Variants in NEB observed in about 807,000 individuals in gnomAD.
The protein encoded by NEB is nemaline myopathy type 2.
NEB carries 512 observed loss-of-function variants against 952.2 expected under a neutral mutation model. The ratio of observed to expected loss-of-function variants is 0.54; its 90% CI spans 0.50 to 0.58. The LOEUF is 0.58. Among genes scored for constraint, NEB ranks in the 20% least tolerant of loss-of-function variants. The pLI is 0.00. For missense variants in NEB, 8,428 were observed against 9,231.1 expected (o/e 0.91, Z 3.56); for synonymous variants, 2,900 against 3,149.8 (o/e 0.92, Z 2.66).
At chr2:151,623,158 C>T (rs1574094426) in intron 71 of NEB, among the ~76,000 whole-genome samples, 1 of 152,210 alleles carries the variant, frequency 6.6e-6, no homozygotes, top group South Asian at 2.1e-4. Flanking sequence ...TATCCAAATA[C>T]AGCCTTTAGA....
intron 143 of NEB, 149 bp downstream of exon 143, chr2:151,533,293 G>A (rs1576541631): frequency 3.4e-6 from 2 of 595,428 alleles, no homozygotes; most frequent in East Asian, 5.6e-5. Flanking sequence ...CACATTCAGA[G>A]ATCATTTACA....
rs1337704462 is a variant in NEB at position 151,561,082 on chromosome 2, CTGA to C, written c.19125_19127del (p.His6375del). ...GAACTGTTGTGTATTTGTCCTTAAT[CTGA>C]TGATAATTTTCTTTATATTTTACCT... is the stretch of plus-strand genomic sequence containing the variant. On this transcript the variant is annotated inframe_deletion, in exon 123 of 182. Transcript: ENST00000397345. 2 of 1,598,260 alleles carry C rather than the reference CTGA, an allele frequency of 1.3e-6. No individual in the cohort carries two copies. The highest frequency in any genetic ancestry group is 1.7e-6 in the Non-Finnish European group (2 of 1,171,064).
chr2:151,708,328 C>T (rs374039131), intron 12 of NEB, among the ~76,000 whole-genome samples: 2 of 152,304 alleles, frequency 1.3e-5, no homozygotes, highest in South Asian at 4.1e-4. Flanking sequence ...CAATTTCCCT[C>T]TTTTCATTCA....
At chr2:151,725,328 G>T in intron 6 of NEB, 125 bp downstream of exon 6, 2 of 766,594 alleles carry the variant, frequency 2.6e-6, no homozygotes, top group Non-Finnish European at 4.3e-6. Context: ...TGCTTTTCTA[G>T]ATTTGTGAAC....
chr2:151,497,005 C>G lies in NEB; in HGVS notation c.24329G>C (p.Gly8110Ala). 1 of 1,575,446 alleles carries G rather than the reference C, an allele frequency of 6.3e-7. No individual in the cohort carries two copies. Among genetic ancestry groups the G allele is most frequent in the South Asian group, 1.2e-5 (1 of 86,114 alleles). ...SVLYKENMGK[G>A]TPLPVTPEME... ...CTCAGGAGTGACAGGTAGAGGGGTTCCCTTGCCCATGTTTTCTTTGTATAA... is the reference window on the plus strand; with the variant it reads ...CTCAGGAGTGACAGGTAGAGGGGTTGCCTTGCCCATGTTTTCTTTGTATAA... Residue 8110 changes from glycine (G) to alanine (A), a missense_variant, in exon 172 of 182, where the codon GGA becomes GCA. Transcript: ENST00000397345.
chr2:151,524,747 A>C, intron 151 of NEB, 131 bp from the exon 152 acceptor site: 1 of 725,162 alleles, frequency 1.4e-6, no homozygotes, highest in Non-Finnish European at 2.2e-6. Flanking sequence ...GCTCACTGCA[A>C]CTTCTGTCTC....
In NEB at chr2:151,658,087, G is replaced by C. The variant is rs762201273; in HGVS notation, c.6079C>G (p.Leu2027Val). The change falls in exon 48 of 182, where the codon CTC becomes GTC. Residue 2027 changes from leucine to valine, a missense_variant. Coordinates refer to ENST00000397345, the MANE Select transcript of NEB (RefSeq NM_001164508.2). ...KANAINMSDK[L>V]YKLSLEESKK... Reference sequence around the variant, plus strand: ...GACTCTTCCAAGGAAAGTTTGTAGAGTTTCTGTAAAGAGAGGCAAAGGGAA... The same window carrying C: ...GACTCTTCCAAGGAAAGTTTGTAGACTTTCTGTAAAGAGAGGCAAAGGGAA... 1 of 1,587,570 alleles carries C rather than the reference G, an allele frequency of 6.3e-7. No individual in the cohort carries two copies. The highest frequency in any genetic ancestry group is 1.1e-5 in the South Asian group (1 of 88,594).
chr2:151,560,291 G>A (rs887090377), intron 124 of NEB, among the ~76,000 whole-genome samples: 9 of 152,094 alleles, frequency 5.9e-5, no homozygotes, highest in Admixed American at 5.9e-4. Context: ...GGTGTATTAT[G>A]TCTTCAGCCC....
intron 20 of NEB, among the ~76,000 whole-genome samples, chr2:151,693,664 C>T (rs549010673): frequency 2.4e-4 from 37 of 152,158 alleles, no homozygotes; most frequent in Non-Finnish European, 5.0e-4. Flanking sequence ...TACAATCTAT[C>T]GTTGTTGATT....
chr2:151,488,297 A>C (rs16830094), intron 181 of NEB, among the ~76,000 whole-genome samples: 4,528 of 152,174 alleles, frequency 0.03, 122 homozygotes, highest in East Asian at 0.14. Context: ...AATTGGCCAG[A>C]CTTTTATACT....
At chr2:151,521,980 T>C (rs563158387) in intron 153 of NEB, among the ~76,000 whole-genome samples, 1 of 152,290 alleles carries the variant, frequency 6.6e-6, no homozygotes, top group Admixed American at 6.5e-5. Context: ...GTAGTAAAAC[T>C]ACATACACTT....
At chr2:151,674,429 C>T (rs888454390) in intron 36 of NEB, 48 bp downstream of exon 36, 3 of 1,420,672 alleles carry the variant, frequency 2.1e-6, no homozygotes, top group Admixed American at 1.7e-5. Context: ...CATTTGATTA[C>T]TTTTCAAAAA....
chr2:151,718,528 C>T (rs950854586), intron 9 of NEB, among the ~76,000 whole-genome samples: 5 of 152,168 alleles, frequency 3.3e-5, no homozygotes, highest in Admixed American at 1.3e-4. Flanking sequence ...CTCTCAGCTT[C>T]CTCTTTCATA....
At chr2:151,501,343 G>C (rs1257310308) in intron 168 of NEB, 48 bp downstream of exon 168, 1 of 1,264,064 alleles carries the variant, frequency 7.9e-7, no homozygotes. Context: ...CTGTTTTGTA[G>C]AAATTATTAT....
Position 151,553,948 on chromosome 2 carries a change from G to A in NEB, c.19506C>T (p.Ala6502=), listed in dbSNP as rs1011926091. The change falls in exon 126 of 182, where the codon GCC becomes GCT. Residue 6502 remains alanine, a synonymous_variant. Transcript: ENST00000397345. The stretch of plus-strand genomic sequence containing the variant: ...CACTGACTTTCTTCTGGGAATCCTT[G>A]GCAGTAACCATCTCTACCATGTCGG... ...IVPDMVEMVT[A]KDSQKKVSEI... 1.2e-6 allele frequency: 2 copies of A among 1,613,834 alleles called. No individual in the cohort carries two copies. Among genetic ancestry groups the A allele is most frequent in the Non-Finnish European group, 1.7e-6 (2 of 1,179,792 alleles).
At chr2:151,570,054 G>C in intron 109 of NEB, 27 bp downstream of exon 109, 1 of 1,579,104 alleles carries the variant, frequency 6.3e-7, no homozygotes, top group Non-Finnish European at 8.6e-7. Context: ...TGAGAAAAGA[G>C]TTCAACCCCA....
chr2:151,500,680 T>TTGAC (rs958853270), intron 168 of NEB, among the ~76,000 whole-genome samples: 3 of 148,072 alleles, frequency 2.0e-5, no homozygotes, highest in African/African-American at 7.4e-5. Flanking sequence ...CACTGCAGCC[T>TTGAC]TGACTTCCTA....
rs1560619891 is a variant in NEB at position 151,627,179 on chromosome 2, C to A, written c.10170G>T (p.Trp3390Cys). The A allele has an allele frequency of 6.2e-7, 1 of 1,613,862 alleles. No homozygotes were observed. The stretch of plus-strand genomic sequence containing the variant: ...TGGGGACCCAGCCAATGCCTCTCAG[C>A]CACTGGAGATCAGATTTGTAAATGT... ...SDNIYKSDLQWLRGIGWVPIG... is the reference protein window; with the variant it reads ...SDNIYKSDLQCLRGIGWVPIG... Residue 3390 changes from tryptophan to cysteine, a missense_variant, in exon 70 of 182, where the codon TGG (tryptophan) becomes TGT (cysteine). Physicochemically the swap from Trp to Cys is radical, Grantham distance 215 (BLOSUM62 -2). Transcript: ENST00000397345.
chr2:151,704,578 G>A (rs1280300004), intron 13 of NEB, among the ~76,000 whole-genome samples: 8 of 152,106 alleles, frequency 5.3e-5, no homozygotes, highest in Non-Finnish European at 1.5e-5. Flanking sequence ...CGTTTTTTAA[G>A]CCGGTCAGAA....
Sources: gnomAD v4.1 joint callset for allele counts (sites outside exome capture counted in the v4.1 genomes callset) on GRCh38, gnomAD v4.1.1 for gene constraint, MANE v1.5 for transcripts, NCBI Gene and HGNC (gene_info 2026-07-23, HGNC 2026-07-21) for gene names.